Variants in CLINT1 observed in about 807,000 individuals in gnomAD.
CLINT1 encodes clathrin interactor 1.
CLINT1 carries 15 observed loss-of-function variants against 70.4 expected under a neutral mutation model. That is an observed-to-expected ratio of 0.21 (90% CI 0.14 to 0.33). The LOEUF (loss-of-function observed/expected upper bound fraction) is 0.33, where lower values mean the gene tolerates loss of function less well. Among genes scored for constraint, CLINT1 ranks in the 10% least tolerant of loss-of-function variants. CLINT1 has a pLI of 1.00. For synonymous variants in CLINT1, 227 were observed against 254.7 expected (o/e 0.89, Z 1.04); for missense variants, 615 against 778.1 (o/e 0.79, Z 2.49).
chr5:157,801,631 G>A lies in CLINT1; in HGVS notation c.1012+2019C>T, dbSNP rs570937938. 3.9e-5 allele frequency among the ~76,000 whole-genome samples: 6 copies of A among 152,094 alleles called. No individual in the cohort carries two copies. In the South Asian group the frequency reaches 1.2e-3, roughly 32 times the overall value. On this transcript the variant is annotated intron_variant, in intron 8 of 11. Transcript: ENST00000411809. ...GCAGATCACCTGAGGTCAGGAGTTCGAGACCAGCCTGGCCAACACAGTGAA... is the reference window on the plus strand; with the variant it reads ...GCAGATCACCTGAGGTCAGGAGTTCAAGACCAGCCTGGCCAACACAGTGAA...
intron 6 of CLINT1, 78 bp from the exon 7 acceptor site, chr5:157,806,190 G>C: frequency 6.9e-7 from 1 of 1,444,520 alleles, no homozygotes; most frequent in Non-Finnish European, 9.3e-7. Context: ...TTGAGCTAAA[G>C]AATTTCAAAT....
chr5:157,830,794 C>CTATATATATATATA (rs1190577088), intron 1 of CLINT1, among the ~76,000 whole-genome samples: 2 of 106,688 alleles, frequency 1.9e-5, no homozygotes, highest in African/African-American at 8.0e-5. Context: ...CTCTCTCTCT[C>CTATATATATATATA]TCTATATATA....
At chr5:157,851,599 A>G in intron 1 of CLINT1, among the ~76,000 whole-genome samples, 1 of 139,962 alleles carries the variant, frequency 7.1e-6, no homozygotes, top group East Asian at 2.3e-4. Flanking sequence ...CGCTTAAGCT[A>G]CTTGGGAGGA....
intron 1 of CLINT1, among the ~76,000 whole-genome samples, chr5:157,830,757 C>CCTCCCTCT (rs1763202397): frequency 1.1e-5 from 1 of 87,408 alleles, no homozygotes; most frequent in Non-Finnish European, 2.1e-5. Context: ...CCTCTCTCTC[C>CCTCCCTCT]CTCTCTCTCT....
At chr5:157,802,830 G>A (rs985374943) in intron 8 of CLINT1, among the ~76,000 whole-genome samples, 2 of 152,194 alleles carry the variant, frequency 1.3e-5, no homozygotes, top group East Asian at 3.8e-4. Flanking sequence ...ACAGGGGTCA[G>A]CCACCACGCC....
intron 10 of CLINT1, chr5:157,790,730 C>T: frequency 2.3e-6 from 1 of 427,240 alleles, no homozygotes; most frequent in Non-Finnish European, 4.6e-6. Flanking sequence ...GTTCCTGGTA[C>T]CATTCAGACA....
At chr5:157,830,232 T>G (rs1187149) in intron 1 of CLINT1, among the ~76,000 whole-genome samples, 20,374 of 152,178 alleles carry the variant, frequency 0.13, 1,796 homozygotes, top group African/African-American at 0.25. Context: ...ACAGGCATCA[T>G]CCACTGCAAC....
At chr5:157,839,720 A>AATAT (rs1763558556) in intron 1 of CLINT1, among the ~76,000 whole-genome samples, 1 of 148,408 alleles carries the variant, frequency 6.7e-6, no homozygotes, top group South Asian at 2.2e-4. Context: ...TTACAACAAA[A>AATAT]ATCTATCTAT....
At chr5:157,794,352 T>TG (rs937028002) in intron 9 of CLINT1, among the ~76,000 whole-genome samples, 1 of 151,632 alleles carries the variant, frequency 6.6e-6, no homozygotes, top group African/African-American at 2.4e-5. Context: ...TCTGTTTGAA[T>TG]GGTTTTTTTG....
chr5:157,817,547 G>T lies in CLINT1; in HGVS notation c.42C>A (p.Ala14=). ...CTGAATAATTCATAACAACATTGGT[G>T]CTGTAGAGGAAAAAAATGCACGCAC... The part of the protein sequence containing the change: ...MWKVRELVDK[A]TNVVMNYSEI... Residue 14 remains alanine, a splice_region_variant and synonymous_variant, in exon 2 of 12, where the codon GCC becomes GCA. Coordinates refer to ENST00000411809, the MANE Select transcript of CLINT1 (RefSeq NM_014666.4). 1.3e-6 allele frequency: 2 copies of T among 1,585,424 alleles called. No homozygotes were observed. Among genetic ancestry groups the T allele is most frequent in the Non-Finnish European group, 1.7e-6 (2 of 1,162,932 alleles).
chr5:157,841,722 G>C (rs1753185145), intron 1 of CLINT1, among the ~76,000 whole-genome samples: 2 of 152,198 alleles, frequency 1.3e-5, no homozygotes, highest in South Asian at 4.1e-4. Flanking sequence ...CGGAGCTCAA[G>C]CAATTCTCCT....
intron 1 of CLINT1, among the ~76,000 whole-genome samples, chr5:157,849,165 G>A (rs1753487718): frequency 6.6e-6 from 1 of 152,184 alleles, no homozygotes; most frequent in African/African-American, 2.4e-5. Context: ...ATGCTACAGA[G>A]AAATCATCTG....
intron 1 of CLINT1, among the ~76,000 whole-genome samples, chr5:157,830,749 T>TCTCTCTCC (rs1338400101): frequency 9.1e-6 from 1 of 109,742 alleles, no homozygotes; most frequent in Non-Finnish European, 1.8e-5. Flanking sequence ...TGCCCCTCCC[T>TCTCTCTCC]CTCTCTCCCT....
Position 157,809,750 on chromosome 5 carries a change from G to C in CLINT1, c.573C>G (p.Asn191Lys). The stretch of plus-strand genomic sequence containing the variant: ...TATCACTGAATGGAAAAGCACTCTT[G>C]TTTTTATCCCACTCCTCATCCCATT... ...KSKWDEEWDK[N>K]KSAFPFSDKL... Residue 191 changes from asparagine (N) to lysine (K), a missense_variant, in exon 6 of 12, where the codon AAC becomes AAG. Asn to Lys is a moderately conservative substitution (Grantham distance 94). Transcript: ENST00000411809. 2 of 1,613,008 alleles carry C rather than the reference G, an allele frequency of 1.2e-6. No homozygotes were observed. Among genetic ancestry groups the C allele is most frequent in the East Asian group, 4.5e-5 (2 of 44,812 alleles).
chr5:157,839,086 A>G (rs1361680920), intron 1 of CLINT1, among the ~76,000 whole-genome samples: 1 of 151,972 alleles, frequency 6.6e-6, no homozygotes, highest in African/African-American at 2.4e-5. Flanking sequence ...AAAATTGGCC[A>G]GATGTGGTGG....
intron 1 of CLINT1, among the ~76,000 whole-genome samples, chr5:157,837,648 A>ATTTTTTTTT (rs1281046781): frequency 1.2e-3 from 85 of 70,216 alleles, no homozygotes; most frequent in South Asian, 9.4e-3. Flanking sequence ...AAGCTCTTTT[A>ATTTTTTTTT]CTTTTTTTTT....
chr5:157,830,796 C>CTCTCTA (rs1300619885), intron 1 of CLINT1, among the ~76,000 whole-genome samples: 493 of 85,648 alleles, frequency 5.8e-3, no homozygotes, highest in East Asian at 0.022. Flanking sequence ...CTCTCTCTCT[C>CTCTCTA]TATATATATA....
intron 1 of CLINT1, among the ~76,000 whole-genome samples, chr5:157,845,459 C>A (rs185287912): frequency 6.6e-6 from 1 of 151,932 alleles, no homozygotes; most frequent in South Asian, 2.1e-4. Context: ...TTTCTGGTAG[C>A]GAAATATGGA....
chr5:157,821,375 A>C (rs1408368450), intron 1 of CLINT1, among the ~76,000 whole-genome samples: 2 of 110,744 alleles, frequency 1.8e-5, no homozygotes, highest in African/African-American at 7.2e-5. Context: ...TGCAAACATA[A>C]ACAGACATGA....
Sources: allele counts gnomAD v4.1 joint callset (sites outside exome capture counted in the v4.1 genomes callset), GRCh38; gene constraint gnomAD v4.1.1; transcripts MANE v1.5; gene names NCBI Gene and HGNC (gene_info 2026-07-23, HGNC 2026-07-21).